WWOX: variants seen among roughly 807,000 people sequenced by gnomAD.
WWOX encodes WW domain-containing oxidoreductase.
Under a neutral mutation model 46.2 loss-of-function variants are expected in WWOX, and 69 were observed. The ratio of observed to expected loss-of-function variants is 1.49; its 90% CI spans 1.23 to 1.82. The LOEUF (loss-of-function observed/expected upper bound fraction) is 1.82. Among genes scored for constraint, WWOX ranks in the 40% most tolerant of loss-of-function variants. The pLI, the probability that WWOX is intolerant of heterozygous loss-of-function variation, is 0.00. For missense variants in WWOX, 919 were observed against 542.6 expected, an observed-to-expected ratio of 1.69 and a Z score of -6.89; for synonymous variants, 359 against 202.6, an observed-to-expected ratio of 1.77 and a Z score of -6.56.
chr16:78,609,615 G>C (rs1262619782), intron 8 of WWOX, among the ~76,000 whole-genome samples: 2 of 151,472 alleles, frequency 1.3e-5, no homozygotes, highest in East Asian at 3.9e-4. Context: ...CACCAGGCAG[G>C]CTCTTGGGGG....
intron 5 of WWOX, among the ~76,000 whole-genome samples, chr16:78,340,751 G>T (rs1417767678): frequency 8.5e-6 from 1 of 117,930 alleles, no homozygotes; most frequent in Non-Finnish European, 2.0e-5. Context: ...GCTTGGGGAA[G>T]GTGTAGCTCT....
intron 8 of WWOX, among the ~76,000 whole-genome samples, chr16:78,953,801 C>G (rs1281805786): frequency 6.6e-6 from 1 of 152,202 alleles, no homozygotes; most frequent in Non-Finnish European, 1.5e-5. Flanking sequence ...TTCTACCTAC[C>G]CTGAGGTTCG....
intron 5 of WWOX, among the ~76,000 whole-genome samples, chr16:78,195,358 T>C (rs2036014996): frequency 6.6e-6 from 1 of 152,098 alleles, no homozygotes; most frequent in South Asian, 2.1e-4. Flanking sequence ...TGACTTTTCA[T>C]CCCTGGGACC....
intron 8 of WWOX, among the ~76,000 whole-genome samples, chr16:78,969,533 AG>A (rs2046429996): frequency 6.6e-6 from 1 of 152,122 alleles, no homozygotes; most frequent in Non-Finnish European, 1.5e-5. Flanking sequence ...AGCCTCCCAA[AG>A]TGCTGGGATG....
At chr16:79,201,025 G>A (rs188444901) in intron 8 of WWOX, among the ~76,000 whole-genome samples, 44 of 152,266 alleles carry the variant, frequency 2.9e-4, no homozygotes, top group Admixed American at 2.4e-3. Flanking sequence ...ATGGCCAAAT[G>A]TTATCACTCA....
intron 5 of WWOX, among the ~76,000 whole-genome samples, chr16:78,198,839 T>C (rs562207857): frequency 6.6e-6 from 1 of 152,358 alleles, no homozygotes; most frequent in East Asian, 1.9e-4. Context: ...TAATGGTATA[T>C]ATACATGTAA....
rs543957882 is a variant in WWOX at position 79,024,853 on chromosome 16, A to G, written c.1057-186755A>G. Among the ~76,000 whole-genome samples, 11 of 152,314 alleles carry G rather than the reference A, an allele frequency of 7.2e-5. No individual in the cohort carries two copies. The East Asian group carries it at 1.4e-3, about 19-fold the overall frequency. On this transcript the variant is annotated intron_variant, in intron 8 of 8. Transcript: ENST00000566780. ...AGAAAGTGCTGGGATTACAGGCGTGAGCCACCACACCTGGCCGCTGGAAAT... is the reference window on the plus strand; with the variant it reads ...AGAAAGTGCTGGGATTACAGGCGTGGGCCACCACACCTGGCCGCTGGAAAT...
At chr16:78,400,719 A>T (rs983437031) in intron 6 of WWOX, among the ~76,000 whole-genome samples, 1 of 152,192 alleles carries the variant, frequency 6.6e-6, no homozygotes, top group Admixed American at 6.5e-5. Context: ...TCTGGAGTGT[A>T]CACTGGGCAT....
At chr16:78,791,411 A>G (rs2050596495) in intron 8 of WWOX, among the ~76,000 whole-genome samples, 1 of 152,162 alleles carries the variant, frequency 6.6e-6, no homozygotes, top group South Asian at 2.1e-4. Flanking sequence ...TGGAGACATC[A>G]TTCATCTCCT....
intron 8 of WWOX, among the ~76,000 whole-genome samples, chr16:79,089,401 G>A (rs773960742): frequency 4.6e-5 from 7 of 151,094 alleles, no homozygotes; most frequent in Admixed American, 6.6e-5. Context: ...GCATGATCTC[G>A]GCTCACTGCA....
chr16:78,825,673 G>C, intron 8 of WWOX: 1 of 527,780 alleles, frequency 1.9e-6, no homozygotes, highest in Non-Finnish European at 3.7e-6. Flanking sequence ...GGGGCCATAG[G>C]CTGCCAAGCT....
intron 3 of WWOX, among the ~76,000 whole-genome samples, chr16:78,110,499 C>G (rs1291402546): frequency 3.9e-5 from 6 of 152,130 alleles, no homozygotes; most frequent in Non-Finnish European, 2.9e-5. Context: ...TACAGATATA[C>G]TATAATTTAT....
In WWOX at chr16:78,350,809, G is replaced by A. The variant is rs138260072; in HGVS notation, c.517-36051G>A. ...TATAGGTTTACCTTTTTTGGGGTAT[G>A]CTCCTAAGAGTGCAATTTCTGGATC... On this transcript the variant is annotated intron_variant, in intron 5 of 8. Transcript: ENST00000566780. Among the ~76,000 whole-genome samples, 10 of 120,104 alleles carry A rather than the reference G, an allele frequency of 8.3e-5. No individual in the cohort carries two copies. The East Asian group carries it at 1.7e-3, about 21-fold the overall frequency. 78.8% of individuals were successfully genotyped at this position (120,104 alleles called of 152,430 possible). A position where few individuals can be genotyped will look rare whatever the true frequency, so the allele number is the denominator to read the frequency against.
intron 5 of WWOX, among the ~76,000 whole-genome samples, chr16:78,261,153 T>C (rs2079222196): frequency 6.6e-6 from 1 of 150,962 alleles, no homozygotes; most frequent in South Asian, 2.1e-4. Flanking sequence ...CTTGACATTT[T>C]AGCATAGAAT....
chr16:78,295,184 GTAT>G (rs537897486), intron 5 of WWOX, among the ~76,000 whole-genome samples: 134 of 152,304 alleles, frequency 8.8e-4, no homozygotes, highest in African/African-American at 3.0e-3. Flanking sequence ...GGCTGAAGAT[GTAT>G]CATCTACAAC....
At chr16:78,424,797 T>C (rs1312606231) in intron 6 of WWOX, 73 bp from the exon 7 acceptor site, 1 of 1,553,840 alleles carries the variant, frequency 6.4e-7, no homozygotes, top group African/African-American at 1.4e-5. Context: ...ATCACGTGGA[T>C]TCCCGAAGGA....
Position 79,000,091 on chromosome 16 carries a change from A to G in WWOX, c.1057-211517A>G, listed in dbSNP as rs189305151. Among the ~76,000 whole-genome samples, 408 of 152,224 alleles carry G rather than the reference A, an allele frequency of 2.7e-3. 3 individuals carry two copies. The highest frequency in any genetic ancestry group is 9.3e-3 in the African/African-American group (386 of 41,540). ...CCTGGGATAAAAACCAGGATCCTTCATGTGTCTGAGCAGGCTTCCCACCAT... is the reference window on the plus strand; with the variant it reads ...CCTGGGATAAAAACCAGGATCCTTCGTGTGTCTGAGCAGGCTTCCCACCAT... On this transcript the variant is annotated intron_variant, in intron 8 of 8. Transcript: ENST00000566780.
At chr16:78,737,616 C>G (rs564163354) in intron 8 of WWOX, among the ~76,000 whole-genome samples, 1 of 152,090 alleles carries the variant, frequency 6.6e-6, no homozygotes, top group Non-Finnish European at 1.5e-5. Context: ...TTCCCAAAGT[C>G]CATTGTATCA....
intron 8 of WWOX, among the ~76,000 whole-genome samples, chr16:79,025,210 G>C (rs371325115): frequency 1.2e-4 from 18 of 152,302 alleles, no homozygotes; most frequent in African/African-American, 4.1e-4. Context: ...TGTCACTGAG[G>C]CTGGGGCAGG....
Sources: gnomAD v4.1 joint callset for allele counts (sites outside exome capture counted in the v4.1 genomes callset) on GRCh38, gnomAD v4.1.1 for gene constraint, MANE v1.5 for transcripts, NCBI Gene and HGNC (gene_info 2026-07-23, HGNC 2026-07-21) for gene names.